Variants in C14orf39 observed in about 807,000 individuals in gnomAD.
C14orf39 encodes the protein protein SIX6OS1.
Under a neutral mutation model 85.6 loss-of-function variants are expected in C14orf39, and 66 were observed. The observed-to-expected ratio is 0.77, with a 90% CI of 0.63 to 0.95. The LOEUF is 0.95. C14orf39 is among the 40% of genes least tolerant of loss of function. The pLI is 0.00. For synonymous variants in C14orf39, 242 were observed against 214.0 expected (o/e 1.13, Z -1.14); for missense variants, 735 against 663.9 (o/e 1.11, Z -1.18).
At chr14:60,466,112 T>C in intron 10 of C14orf39, 57 bp from the exon 11 acceptor site, 2 of 757,774 alleles carry the variant, frequency 2.6e-6, no homozygotes, top group Non-Finnish European at 4.0e-6. Flanking sequence ...TCAAGTATCT[T>C]CCCCAATGTT....
In C14orf39 at chr14:60,485,040, C is replaced by G; in HGVS notation, c.39G>C (p.Leu13Phe). 1 of 1,609,182 alleles carries G rather than the reference C, an allele frequency of 6.2e-7. No individual in the cohort carries two copies. Among genetic ancestry groups the G allele is most frequent in the Non-Finnish European group, 8.5e-7 (1 of 1,179,038 alleles). The change falls in exon 2 of 18, where the codon TTG becomes TTC. Residue 13 changes from leucine (L) to phenylalanine (F), a missense_variant. Transcript: ENST00000321731. ...DSLFVSLDRL[L>F]LEFVFQYEQD... ...TCACTTTATACCTACCAAATTCTAG[C>G]AAAAGTCTGTCCAAACTGACAAACA... is the stretch of plus-strand genomic sequence containing the variant.
chr14:60,510,681 T>TAAGCCCCAGGCAGACGC (rs1393547861), intron 1 of C14orf39, among the ~76,000 whole-genome samples: 68 of 152,228 alleles, frequency 4.5e-4, no homozygotes, highest in Non-Finnish European at 9.6e-4. Context: ...TGCTCAGGCG[T>TAAGCCCCAGGCAGACGC]AAGCCCCAGG....
At chr14:60,490,725 A>G (rs911212640), upstream of C14orf39, among the ~76,000 whole-genome samples, 1 of 152,202 alleles carries the variant, frequency 6.6e-6, no homozygotes, top group African/African-American at 2.4e-5. Context: ...TACAGCAAGA[A>G]GCAAAAACCA....
chr14:60,476,310 T>C (rs1368085875), intron 5 of C14orf39, among the ~76,000 whole-genome samples: 2 of 152,146 alleles, frequency 1.3e-5, no homozygotes, highest in African/African-American at 4.8e-5. Flanking sequence ...ACATACTCCA[T>C]ATAGAAACTC....
chr14:60,459,856 A>G (rs1466822397), intron 13 of C14orf39, among the ~76,000 whole-genome samples: 1 of 151,718 alleles, frequency 6.6e-6, no homozygotes, highest in African/African-American at 2.4e-5. Context: ...CACATTTTGG[A>G]AACTACTCTA....
At chr14:60,487,834 A>G (rs898663101), upstream of C14orf39, among the ~76,000 whole-genome samples, 2 of 151,894 alleles carry the variant, frequency 1.3e-5, no homozygotes, top group African/African-American at 2.4e-5. Context: ...GACGTATCCT[A>G]TTGTGGTTTT....
intron 1 of C14orf39, chr14:60,511,680 G>A (rs1336691947): frequency 3.7e-6 from 1 of 267,574 alleles, no homozygotes; most frequent in Non-Finnish European, 7.3e-6. Flanking sequence ...TTATTTAAGA[G>A]ACCGCCATGG....
chr14:60,436,995 T>C lies in C14orf39; in HGVS notation c.1614A>G (p.Pro538=), dbSNP rs765149781. Residue 538 remains proline, a synonymous_variant, in exon 18 of 18, where the codon CCA becomes CCG. Transcript: ENST00000321731. ...CAAATGTATGAGTTGAAGTGTCTGA[T>C]GGAAAAGAAAATGTAAAGCCATCTT... The part of the protein sequence containing the change: ...EGEDGFTFSF[P]SDTSTHTFGA... 2 of 1,611,166 alleles carry C rather than the reference T, an allele frequency of 1.2e-6. No individual in the cohort carries two copies. Among genetic ancestry groups the C allele is most frequent in the East Asian group, 2.2e-5 (1 of 44,724 alleles).
intron 1 of C14orf39, chr14:60,508,960 A>C (rs1893246350): frequency 5.4e-6 from 1 of 186,092 alleles, no homozygotes; most frequent in Non-Finnish European, 1.1e-5. Flanking sequence ...AGACACTCGC[A>C]TGTCTTTTCA....
chr14:60,467,268 A>G (rs1056766710), intron 9 of C14orf39, among the ~76,000 whole-genome samples: 3 of 151,930 alleles, frequency 2.0e-5, no homozygotes, highest in African/African-American at 7.2e-5. Context: ...GCTCTTCTCA[A>G]TATAGTCCAC....
At chr14:60,504,443 T>G (rs1418088252) in intron 1 of C14orf39, among the ~76,000 whole-genome samples, 1 of 152,236 alleles carries the variant, frequency 6.6e-6, no homozygotes, top group Non-Finnish European at 1.5e-5. Flanking sequence ...TCATTGAATT[T>G]TAAGTTTCTA....
At chr14:60,473,940 G>A (rs1892237011) in intron 5 of C14orf39, among the ~76,000 whole-genome samples, 1 of 152,174 alleles carries the variant, frequency 6.6e-6, no homozygotes, top group South Asian at 2.1e-4. Context: ...ACTCTGTGAT[G>A]AAAGTCATTG....
rs374753660 is a variant in C14orf39, at chr14:60,514,878, C to G, written c.-144+517G>C. Among the ~76,000 whole-genome samples the G allele has an allele frequency of 1.1e-4, 16 of 152,266 alleles. No individual in the cohort carries two copies. The East Asian group carries it at 1.9e-3, about 18-fold the overall frequency. On this transcript the variant is annotated intron_variant, in intron 1 of 5. Transcript: ENST00000556799. ...TTGTGAGGCGGAGCCCGGGGGCGGCCGTGAATGGGGGGTCTGTGGAGCGGC... is the reference window on the plus strand; with the variant it reads ...TTGTGAGGCGGAGCCCGGGGGCGGCGGTGAATGGGGGGTCTGTGGAGCGGC...
rs77556495 is a variant in C14orf39 at position 60,491,260 on chromosome 14, C to T, written c.-8-6174G>A. On this transcript the variant is annotated intron_variant, in intron 2 of 5. Coordinates refer to the C14orf39 transcript ENST00000556799. This position sits in a 1 kb window ranked among gnomAD's most constrained non-coding sequence, Gnocchi z 4.5. ...ATTCAGTGTCTGGTAAGGGCACACT[C>T]TTTGCTTCCAAAATGGTGTCTTGTT... Among the ~76,000 whole-genome samples, 1,825 of 152,310 alleles carry T rather than the reference C, an allele frequency of 0.012. 33 individuals carry two copies. Among genetic ancestry groups the T allele is most frequent in the Non-Finnish European group, 0.015 (1,008 of 68,018 alleles).
intron 1 of C14orf39, among the ~76,000 whole-genome samples, chr14:60,500,550 T>A (rs1248200852): frequency 6.6e-6 from 1 of 152,224 alleles, no homozygotes; most frequent in Non-Finnish European, 1.5e-5. Context: ...TAGGGACTGG[T>A]TAAATAAGTT....
Position 60,461,543 on chromosome 14 carries a change from C to A in C14orf39, c.1023G>T (p.Thr341=). ...VDNHSKCSHI[T]TITSSQKFMQ... is the part of the protein sequence containing the mutation. ...TAAACTTTTGTGAACTTGTGATAGTCGTAATATGTGAACATTTTGAATGGT... is the reference window on the plus strand; with the variant it reads ...TAAACTTTTGTGAACTTGTGATAGTAGTAATATGTGAACATTTTGAATGGT... Residue 341 remains threonine (T), a synonymous_variant, in exon 12 of 18, where the codon ACG becomes ACT. Transcript: ENST00000321731. 6.3e-7 allele frequency: 1 copy of A among 1,587,726 alleles called. No homozygotes were observed. The highest frequency in any genetic ancestry group is 2.2e-5 in the East Asian group (1 of 44,476).
At chr14:60,440,374 G>A (rs1426767635) in intron 17 of C14orf39, among the ~76,000 whole-genome samples, 1 of 152,116 alleles carries the variant, frequency 6.6e-6, no homozygotes, top group Non-Finnish European at 1.5e-5. Flanking sequence ...TCCATTCCAA[G>A]TTATTCATGT....
intron 5 of C14orf39, among the ~76,000 whole-genome samples, chr14:60,475,917 G>T (rs1213456739): frequency 2.0e-5 from 3 of 152,058 alleles, no homozygotes; most frequent in African/African-American, 7.2e-5. Flanking sequence ...ACTCTATGGG[G>T]GAGTTTCTTA....
intron 16 of C14orf39, among the ~76,000 whole-genome samples, chr14:60,445,330 G>A (rs1230454226): frequency 2.0e-5 from 3 of 152,120 alleles, no homozygotes; most frequent in Admixed American, 2.0e-4. Flanking sequence ...CATCTTACAT[G>A]CAGAGACACA....
Sources: allele counts gnomAD v4.1 joint callset (sites outside exome capture counted in the v4.1 genomes callset), GRCh38; gene constraint gnomAD v4.1.1; non-coding constraint Gnocchi (gnomAD v3.1); transcripts MANE v1.5; gene names NCBI Gene and HGNC (gene_info 2026-07-23, HGNC 2026-07-21).